SENP7: variants seen among roughly 807,000 people sequenced by gnomAD.
SENP7 encodes the protein SUMO specific peptidase 7, also known as sentrin-specific protease 7.
A neutral mutation model predicts 141.2 loss-of-function variants in SENP7; 64 were observed. The observed-to-expected ratio is 0.45, with a 90% CI of 0.37 to 0.56. The LOEUF is 0.56. Ranked by LOEUF, SENP7 falls within the 20% of genes least tolerant of loss-of-function variation. The probability of loss-of-function intolerance (pLI) is 0.00; values close to 1 mark genes in which losing one functional copy is unlikely to be tolerated. For missense variants in SENP7, 1,025 were observed against 1,212.2 expected (o/e 0.85, Z 2.29); for synonymous variants, 382 against 426.4 (o/e 0.90, Z 1.28).
intron 14 of SENP7, among the ~76,000 whole-genome samples, chr3:101,343,160 T>C (rs991373146): frequency 1.3e-5 from 2 of 152,214 alleles, no homozygotes; most frequent in African/African-American, 4.8e-5. Context: ...TTTGATAACT[T>C]GGTTAAAGTG....
At chr3:101,446,241 A>G (rs2062889628) in intron 4 of SENP7, among the ~76,000 whole-genome samples, 1 of 152,176 alleles carries the variant, frequency 6.6e-6, no homozygotes, top group Admixed American at 6.5e-5. Context: ...CAGAAACAGA[A>G]GCCTGGACAG....
intron 3 of SENP7, among the ~76,000 whole-genome samples, chr3:101,467,752 A>C (rs2063815393): frequency 6.6e-6 from 1 of 152,212 alleles, no homozygotes; most frequent in African/African-American, 2.4e-5. Flanking sequence ...AGGGGGAGAA[A>C]CTAGAGCAGA....
Position 101,389,340 on chromosome 3 carries a change from C to T in SENP7, c.677+9521G>A, listed in dbSNP as rs559901218. Reference sequence around the variant, plus strand: ...ATAGATACAATACAAAGGTCTTCTCCGCAGCACATCATGGTCAAACTACCA... The same window carrying T: ...ATAGATACAATACAAAGGTCTTCTCTGCAGCACATCATGGTCAAACTACCA... On this transcript the variant is annotated intron_variant, in intron 6 of 23. Coordinates refer to ENST00000394095, the MANE Select transcript of SENP7 (RefSeq NM_020654.5). Among the ~76,000 whole-genome samples, 23 of 152,108 alleles carry T rather than the reference C, an allele frequency of 1.5e-4. No homozygotes were observed. The East Asian group carries it at 3.3e-3, about 22-fold the overall frequency.
At chr3:101,422,831 CAT>C (rs779277680) in intron 4 of SENP7, among the ~76,000 whole-genome samples, 9 of 151,854 alleles carry the variant, frequency 5.9e-5, no homozygotes, top group East Asian at 1.9e-4. Context: ...AAAAAAATAA[CAT>C]GTTTGCCTAT....
intron 4 of SENP7, among the ~76,000 whole-genome samples, chr3:101,441,778 T>C (rs1243408632): frequency 2.0e-5 from 3 of 152,188 alleles, no homozygotes; most frequent in African/African-American, 7.2e-5. Flanking sequence ...TGCTCATACA[T>C]GCCACCCAGG....
intron 16 of SENP7, among the ~76,000 whole-genome samples, chr3:101,338,823 T>C (rs939644784): frequency 2.0e-5 from 3 of 152,198 alleles, no homozygotes; most frequent in African/African-American, 7.2e-5. Flanking sequence ...AAAAAGGTCT[T>C]TCCTCAGTAG....
At chr3:101,326,212 T>G in intron 23 of SENP7, 132 bp from the exon 24 acceptor site, 1 of 708,930 alleles carries the variant, frequency 1.4e-6, no homozygotes, top group South Asian at 2.5e-5. Flanking sequence ...ATAATTCACA[T>G]AATACAATTC....
intron 4 of SENP7, among the ~76,000 whole-genome samples, chr3:101,440,006 G>A: frequency 1.2e-5 from 1 of 81,202 alleles, no homozygotes; most frequent in African/African-American, 3.8e-5. Context: ...GGGCGCCTCT[G>A]CCCGGCCGCC....
intron 3 of SENP7, among the ~76,000 whole-genome samples, chr3:101,469,487 G>C (rs941327718): frequency 6.7e-6 from 1 of 149,282 alleles, no homozygotes; most frequent in African/African-American, 2.5e-5. Context: ...TTCTAAAATT[G>C]ACCACATAAT....
intron 6 of SENP7, among the ~76,000 whole-genome samples, chr3:101,392,341 AATAAATT>A (rs2060839967): frequency 6.6e-6 from 1 of 152,202 alleles, no homozygotes. Context: ...TCCAAAAACT[AATAAATT>A]CATTAAAATT....
chr3:101,361,244 T>C (rs1233729386), intron 11 of SENP7, among the ~76,000 whole-genome samples: 3 of 149,840 alleles, frequency 2.0e-5, no homozygotes, highest in Admixed American at 2.0e-4. Flanking sequence ...GAGAACCGAG[T>C]AGAATCCAGT....
chr3:101,452,476 T>G (rs1242860472), intron 4 of SENP7, among the ~76,000 whole-genome samples: 2 of 152,156 alleles, frequency 1.3e-5, no homozygotes, highest in African/African-American at 2.4e-5. Context: ...ACTACAAGGC[T>G]ACAGTAACCA....
At chr3:101,345,654 C>T (rs1576023501) in intron 13 of SENP7, among the ~76,000 whole-genome samples, 1 of 152,124 alleles carries the variant, frequency 6.6e-6, no homozygotes, top group Non-Finnish European at 1.5e-5. Flanking sequence ...AAAGCAAACA[C>T]AAACAAAGTG....
intron 16 of SENP7, among the ~76,000 whole-genome samples, chr3:101,339,237 T>C (rs1025770791): frequency 3.3e-5 from 5 of 152,184 alleles, no homozygotes; most frequent in African/African-American, 9.6e-5. Flanking sequence ...AGTAAAACAA[T>C]AGAGCTTAGG....
chr3:101,387,918 G>A lies in SENP7; in HGVS notation c.677+10943C>T, dbSNP rs115385234. 3.1e-3 allele frequency among the ~76,000 whole-genome samples: 468 copies of A among 152,258 alleles called. 1 individual carries two copies. Among genetic ancestry groups the A allele is most frequent in the African/African-American group, 4.5e-3 (188 of 41,536 alleles). On this transcript the variant is annotated intron_variant, in intron 6 of 23. Coordinates refer to ENST00000394095, the MANE Select transcript of SENP7 (RefSeq NM_020654.5). ...ATGGCTCCTGCACATGGCTTCTGGC[G>A]GACTGAGTACAAGCCTACCTGACAT...
At chr3:101,421,372 C>T (rs998770860) in intron 4 of SENP7, among the ~76,000 whole-genome samples, 7 of 150,534 alleles carry the variant, frequency 4.7e-5, no homozygotes, top group African/African-American at 1.5e-4. Flanking sequence ...TTCTAAATGA[C>T]CAAATAAAAA....
intron 4 of SENP7, among the ~76,000 whole-genome samples, chr3:101,456,389 T>C (rs1274212542): frequency 6.6e-6 from 1 of 152,208 alleles, no homozygotes; most frequent in Non-Finnish European, 1.5e-5. Context: ...ATTAAGAAGA[T>C]GGTGATTTGG....
At chr3:101,331,162 T>G (rs2059038832) in intron 19 of SENP7, among the ~76,000 whole-genome samples, 1 of 152,114 alleles carries the variant, frequency 6.6e-6, no homozygotes, top group Admixed American at 6.6e-5. Flanking sequence ...ATTTTGTCAT[T>G]CTACAATGTA....
rs143592014 is a variant in SENP7 at position 101,379,608 on chromosome 3, G to C, written c.678-7482C>G. 3.6e-3 allele frequency among the ~76,000 whole-genome samples: 545 copies of C among 152,240 alleles called. 3 individuals carry two copies. Among genetic ancestry groups the C allele is most frequent in the Non-Finnish European group, 6.1e-3 (418 of 67,990 alleles). ...CAATATCACTATTCATTAGGAAAATGAAAATCAAAATCACAATGAGATTCC... is the reference window on the plus strand; with the variant it reads ...CAATATCACTATTCATTAGGAAAATCAAAATCAAAATCACAATGAGATTCC... On this transcript the variant is annotated intron_variant, in intron 6 of 23. Transcript: ENST00000394095.
Sources: gnomAD v4.1 joint callset for allele counts (sites outside exome capture counted in the v4.1 genomes callset) on GRCh38, gnomAD v4.1.1 for gene constraint, MANE v1.5 for transcripts, NCBI Gene and HGNC (gene_info 2026-07-23, HGNC 2026-07-21) for gene names.